Variants in AUTS2 observed in about 807,000 individuals in gnomAD.
The protein encoded by AUTS2 is activator of transcription and developmental regulator AUTS2, also known as autism susceptibility gene 2 protein.
A neutral mutation model predicts 112.4 loss-of-function variants in AUTS2; 17 were observed. The ratio of observed to expected loss-of-function variants is 0.15; its 90% CI spans 0.10 to 0.23. AUTS2 has a LOEUF of 0.23. Ranked by LOEUF, AUTS2 falls within the 10% of genes least tolerant of loss-of-function variation. The pLI, the probability that AUTS2 is intolerant of heterozygous loss-of-function variation, is 1.00. For missense variants in AUTS2, 1,510 were observed against 1,701.6 expected, an observed-to-expected ratio of 0.89 and a Z score of 1.98; for synonymous variants, 751 against 702.7, an observed-to-expected ratio of 1.07 and a Z score of -1.09.
intron 5 of AUTS2, among the ~76,000 whole-genome samples, chr7:70,649,303 G>A (rs1044582296): frequency 1.3e-5 from 2 of 151,778 alleles, no homozygotes; most frequent in Admixed American, 1.3e-4. Flanking sequence ...GGGTGTTTGA[G>A]GTGGAAGGAT....
chr7:70,507,244 A>G (rs1799000853), intron 5 of AUTS2, among the ~76,000 whole-genome samples: 2 of 152,210 alleles, frequency 1.3e-5, no homozygotes, highest in African/African-American at 2.4e-5. Context: ...AAATTGTTTC[A>G]TCAAGAATAC....
At chr7:70,338,615 A>G (rs1791103056) in intron 4 of AUTS2, among the ~76,000 whole-genome samples, 1 of 152,202 alleles carries the variant, frequency 6.6e-6, no homozygotes, top group African/African-American at 2.4e-5. Flanking sequence ...TAAACAACCA[A>G]GAGAAATTGC....
intron 4 of AUTS2, among the ~76,000 whole-genome samples, chr7:70,351,120 G>A (rs956275223): frequency 6.0e-5 from 9 of 150,550 alleles, no homozygotes; most frequent in Non-Finnish European, 5.9e-5. Flanking sequence ...GCACAATCTC[G>A]GCTCACTGCA....
Position 70,498,938 on chromosome 7 carries a change from G to A in AUTS2, c.690+63157G>A, listed in dbSNP as rs190765743. Among the ~76,000 whole-genome samples the A allele has an allele frequency of 1.1e-3, 169 of 152,310 alleles. 1 individual carries two copies. In the East Asian group the frequency reaches 0.012, roughly 11 times the overall value. Reference sequence around the variant, plus strand: ...GCTCAGGGCAGTGAAGAGACGCAGGGCAGCCCCAAGGCATGGGGCTGGACC... The same window carrying A: ...GCTCAGGGCAGTGAAGAGACGCAGGACAGCCCCAAGGCATGGGGCTGGACC... On this transcript the variant is annotated intron_variant, in intron 5 of 18. Transcript: ENST00000342771.
intron 1 of AUTS2, among the ~76,000 whole-genome samples, chr7:69,749,177 G>A (rs967653082): frequency 1.3e-5 from 2 of 152,106 alleles, no homozygotes; most frequent in African/African-American, 2.4e-5. Context: ...TTCTCTGTGA[G>A]GGGGCTTCAG....
chr7:70,521,932 A>T (rs1407041463), intron 5 of AUTS2, among the ~76,000 whole-genome samples: 4 of 152,302 alleles, frequency 2.6e-5, no homozygotes, highest in Middle Eastern at 3.4e-3. Flanking sequence ...TACCCAGCTG[A>T]TAGGGCTATT....
At chr7:70,094,150 G>T (rs962444207) in intron 2 of AUTS2, among the ~76,000 whole-genome samples, 5 of 152,150 alleles carry the variant, frequency 3.3e-5, no homozygotes, top group Non-Finnish European at 7.4e-5. Flanking sequence ...ACGAAAATTT[G>T]CAGGAAGCAA....
intron 4 of AUTS2, among the ~76,000 whole-genome samples, chr7:70,135,345 G>A (rs750553641): frequency 4.6e-5 from 7 of 152,092 alleles, no homozygotes; most frequent in Non-Finnish European, 7.4e-5. Context: ...AGGATAACAT[G>A]TCAATGTAAA....
intron 5 of AUTS2, among the ~76,000 whole-genome samples, chr7:70,660,952 C>T (rs1335483828): frequency 6.6e-6 from 1 of 152,226 alleles, no homozygotes; most frequent in African/African-American, 2.4e-5. Flanking sequence ...GGAACCTTCT[C>T]AGCTTTCCTG....
intron 4 of AUTS2, among the ~76,000 whole-genome samples, chr7:70,244,856 A>G (rs1812811898): frequency 6.6e-6 from 1 of 152,120 alleles, no homozygotes; most frequent in South Asian, 2.1e-4. Flanking sequence ...GCGGCGGTTC[A>G]CACCTATAAT....
chr7:70,743,610 T>A (rs918243905), intron 6 of AUTS2, among the ~76,000 whole-genome samples: 5 of 152,164 alleles, frequency 3.3e-5, no homozygotes, highest in African/African-American at 7.2e-5. Context: ...GATTTAAGCA[T>A]TTGTCGTGCA....
chr7:69,765,572 C>T (rs553859210), intron 1 of AUTS2, among the ~76,000 whole-genome samples: 35 of 152,286 alleles, frequency 2.3e-4, no homozygotes, highest in African/African-American at 8.4e-4. Flanking sequence ...CTGCCTTGAC[C>T]TCCCAAAATG....
chr7:69,946,872 T>A (rs978334388), intron 2 of AUTS2, among the ~76,000 whole-genome samples: 1 of 152,204 alleles, frequency 6.6e-6, no homozygotes, highest in Non-Finnish European at 1.5e-5. Flanking sequence ...GGTTGGTAGA[T>A]TTCTGGTGAA....
chr7:69,726,859 A>G (rs1786542323), intron 1 of AUTS2, among the ~76,000 whole-genome samples: 1 of 151,900 alleles, frequency 6.6e-6, no homozygotes, highest in Non-Finnish European at 1.5e-5. Flanking sequence ...GACCATTTTC[A>G]ATTTGGTTAT....
chr7:69,689,162 G>C (rs1044038203), intron 1 of AUTS2, among the ~76,000 whole-genome samples: 1 of 151,862 alleles, frequency 6.6e-6, no homozygotes, highest in Non-Finnish European at 1.5e-5. Flanking sequence ...CTCATTTGTA[G>C]AATATGGATC....
chr7:69,766,817 A>G (rs1277416873), intron 1 of AUTS2, among the ~76,000 whole-genome samples: 1 of 152,226 alleles, frequency 6.6e-6, no homozygotes, highest in Non-Finnish European at 1.5e-5. Flanking sequence ...AGCTGGTGCC[A>G]TGCTTCTCAC....
At chr7:69,759,736 T>C (rs1177379459) in intron 1 of AUTS2, among the ~76,000 whole-genome samples, 3 of 80,062 alleles carry the variant, frequency 3.7e-5, no homozygotes, top group Non-Finnish European at 7.4e-5. Context: ...AGCCCCCACT[T>C]TATTTGCTGT....
intron 2 of AUTS2, among the ~76,000 whole-genome samples, chr7:70,009,713 C>A (rs1584570853): frequency 6.6e-6 from 1 of 152,242 alleles, no homozygotes; most frequent in South Asian, 2.1e-4. Context: ...TAACCCTATG[C>A]AGCCATATAA....
At position 70,790,024 on chromosome 7, in the gene AUTS2, G is replaced by C; in HGVS notation, c.2808G>C (p.Leu936=). Residue 936 remains leucine (L), a synonymous_variant, in exon 19 of 19, where the codon CTG becomes CTC. Coordinates refer to ENST00000342771, the MANE Select transcript of AUTS2 (RefSeq NM_015570.4). The surrounding 1 kb of genome is among the most constrained non-coding windows in gnomAD (Gnocchi z 7.6). ...CCGCGGGCGAAGAGGCCAAGCAGCTGGCCCGGGTGCCGTCTCCCTACGTGC... is the reference window on the plus strand; with the variant it reads ...CCGCGGGCGAAGAGGCCAAGCAGCTCGCCCGGGTGCCGTCTCCCTACGTGC... ...GRAAGEEAKQ[L]ARVPSPYVRT... is the part of the protein sequence containing the mutation. 2 of 1,588,790 alleles carry C rather than the reference G, an allele frequency of 1.3e-6. No homozygotes were observed. The highest frequency in any genetic ancestry group is 2.7e-5 in the African/African-American group (2 of 74,530).
Sources: gnomAD v4.1 joint callset for allele counts (sites outside exome capture counted in the v4.1 genomes callset) on GRCh38, gnomAD v4.1.1 for gene constraint, Gnocchi (gnomAD v3.1) non-coding constraint, MANE v1.5 for transcripts, NCBI Gene and HGNC (gene_info 2026-07-23, HGNC 2026-07-21) for gene names.